The following MAP7 variants were observed in gnomAD, a reference collection of about 807,000 sequenced individuals.
The protein encoded by MAP7 is microtubule associated protein 7, also known as ensconsin.
In MAP7, 52 loss-of-function variants were observed where a neutral mutation model predicts 94.8. That is an observed-to-expected ratio of 0.55 (90% CI 0.44 to 0.69). The LOEUF (loss-of-function observed/expected upper bound fraction) is 0.69. Among genes scored for constraint, MAP7 ranks in the 30% least tolerant of loss-of-function variants. MAP7 has a pLI of 0.00. For synonymous variants in MAP7, 350 were observed against 357.0 expected, an observed-to-expected ratio of 0.98 and a Z score of 0.22; for missense variants, 940 against 964.6, an observed-to-expected ratio of 0.97 and a Z score of 0.34.
At chr6:136,385,523 G>C (rs1778969562) in intron 5 of MAP7, among the ~76,000 whole-genome samples, 1 of 152,142 alleles carries the variant, frequency 6.6e-6, no homozygotes, top group Non-Finnish European at 1.5e-5. Flanking sequence ...CCTATCCTCA[G>C]GCAGATTCTC....
In MAP7 at chr6:136,372,519, C is replaced by A. The variant is rs774600582; in HGVS notation, c.858G>T (p.Arg286Ser). 6.2e-7 allele frequency: 1 copy of A among 1,614,154 alleles called. No homozygotes were observed. The highest frequency in any genetic ancestry group is 8.5e-7 in the Non-Finnish European group (1 of 1,180,038). Residue 286 changes from arginine (R) to serine (S), a missense_variant, in exon 8 of 18, where the codon AGG becomes AGT. Arg to Ser is a moderately radical substitution (Grantham distance 110). Transcript: ENST00000354570. ...TACTCACCGCTGTGCCATGAATGAT[C>A]CTCCTGCGAGAAGAGCCCTCAGGTG... ...VTPPEGSSRR[R>S]IIHGTASYKK...
intron 1 of MAP7, among the ~76,000 whole-genome samples, chr6:136,442,017 A>G (rs1019962325): frequency 1.3e-5 from 2 of 152,020 alleles, no homozygotes; most frequent in East Asian, 3.9e-4. Context: ...TGTCTCAACA[A>G]CAACAACAGT....
chr6:136,349,919 GT>G (rs1788687932), intron 16 of MAP7, among the ~76,000 whole-genome samples: 1 of 152,096 alleles, frequency 6.6e-6, no homozygotes, highest in South Asian at 2.1e-4. Flanking sequence ...GAAAAGTAAT[GT>G]TAGGGGGTCG....
intron 1 of MAP7, among the ~76,000 whole-genome samples, chr6:136,505,879 C>A (rs1373783730): frequency 2.6e-5 from 4 of 152,124 alleles, no homozygotes; most frequent in Non-Finnish European, 5.9e-5. Flanking sequence ...AGTATCTTTT[C>A]CACTGTGGGA....
intron 1 of MAP7, among the ~76,000 whole-genome samples, chr6:136,517,983 T>C (rs1231416448): frequency 1.3e-5 from 2 of 152,192 alleles, no homozygotes; most frequent in Non-Finnish European, 2.9e-5. Flanking sequence ...AAGGGGCTAA[T>C]AGAGATTCCA....
rs766999236 is a variant in MAP7, at chr6:136,345,961, T to C, written c.2134A>G (p.Ser712Gly). ...TTCAAAGGAATTTCTGGGCTCTCACTGTTGGTGACATCTAATCTGGATGGT... is the reference window on the plus strand; with the variant it reads ...TTCAAAGGAATTTCTGGGCTCTCACCGTTGGTGACATCTAATCTGGATGGT... ...SKPSRLDVTN[S>G]ESPEIPLNPI... is the part of the protein sequence containing the mutation. Residue 712 changes from serine to glycine, a missense_variant, in exon 17 of 18, where the codon AGT (serine) becomes GGT (glycine). Transcript: ENST00000354570. 2 of 1,614,002 alleles carry C rather than the reference T, an allele frequency of 1.2e-6. No homozygotes were observed.
chr6:136,481,103 CA>C (rs1812714475), intron 1 of MAP7, among the ~76,000 whole-genome samples: 1 of 151,978 alleles, frequency 6.6e-6, no homozygotes, highest in Admixed American at 6.6e-5. Context: ...GGCTTTTATC[CA>C]AAAGTCAGGC....
At chr6:136,401,287 G>A (rs1035941161) in intron 3 of MAP7, among the ~76,000 whole-genome samples, 2 of 152,218 alleles carry the variant, frequency 1.3e-5, no homozygotes, top group Non-Finnish European at 2.9e-5. Flanking sequence ...AAGAGTTTGA[G>A]GATGCAGTGA....
chr6:136,468,735 A>G (rs995111872), intron 1 of MAP7, among the ~76,000 whole-genome samples: 1 of 152,336 alleles, frequency 6.6e-6, no homozygotes, highest in Non-Finnish European at 1.5e-5. Flanking sequence ...TACTGAATGC[A>G]TATGGCTTTC....
At chr6:136,401,310 C>G (rs543174664) in intron 3 of MAP7, among the ~76,000 whole-genome samples, 1 of 152,204 alleles carries the variant, frequency 6.6e-6, no homozygotes, top group Non-Finnish European at 1.5e-5. Flanking sequence ...TATGATTGCA[C>G]CACTGCACTC....
intron 1 of MAP7, among the ~76,000 whole-genome samples, chr6:136,441,822 CT>C (rs754461211): frequency 2.6e-5 from 4 of 152,096 alleles, no homozygotes. Flanking sequence ...GTAGATCAGC[CT>C]GGATAACACA....
chr6:136,428,267 G>C (rs1419132391), intron 1 of MAP7, among the ~76,000 whole-genome samples: 1 of 152,168 alleles, frequency 6.6e-6, no homozygotes, highest in Non-Finnish European at 1.5e-5. Flanking sequence ...TGCAATCCCA[G>C]CACTTTGGGA....
At chr6:136,490,024 G>C (rs1816078562) in intron 1 of MAP7, among the ~76,000 whole-genome samples, 2 of 152,146 alleles carry the variant, frequency 1.3e-5, no homozygotes, top group Admixed American at 1.3e-4. Flanking sequence ...GATAGCCTGT[G>C]AGTTTGTAAA....
intron 1 of MAP7, among the ~76,000 whole-genome samples, chr6:136,433,535 T>C (rs1795536191): frequency 1.3e-5 from 2 of 152,244 alleles, no homozygotes; most frequent in African/African-American, 4.8e-5. Flanking sequence ...AAGGAGGCTT[T>C]GCTTTCCTGG....
Position 136,431,260 on chromosome 6 carries a change from T to C in MAP7, c.68-9461A>G, listed in dbSNP as rs79573977. Among the ~76,000 whole-genome samples, 671 of 152,340 alleles carry C rather than the reference T, an allele frequency of 4.4e-3. 6 individuals are homozygous for C. Among genetic ancestry groups the C allele is most frequent in the African/African-American group, 0.015 (640 of 41,590 alleles). ...CGCTATTTAGCATTTGATTTCATTCTATCTTGTATCATTTTCAGAATGTAT... is the reference window on the plus strand; with the variant it reads ...CGCTATTTAGCATTTGATTTCATTCCATCTTGTATCATTTTCAGAATGTAT... On this transcript the variant is annotated intron_variant, in intron 1 of 17. Transcript: ENST00000354570.
chr6:136,402,905 C>CAAAAAAAAAAAAAAAAAAAA (rs57114676), intron 3 of MAP7, among the ~76,000 whole-genome samples: 25 of 67,396 alleles, frequency 3.7e-4, no homozygotes, highest in East Asian at 5.6e-4. Context: ...GACTCTGTCT[C>CAAAAAAAAAAAAAAAAAAAA]AAAAAAAAAA....
rs1819099596 is a variant in MAP7, at chr6:136,499,035, G to C, written c.67+51307C>G. Among the ~76,000 whole-genome samples, 4 of 151,912 alleles carry C rather than the reference G, an allele frequency of 2.6e-5. No homozygotes were observed. The South Asian group carries it at 8.3e-4, about 32-fold the overall frequency. On this transcript the variant is annotated intron_variant, in intron 1 of 17. Coordinates refer to ENST00000354570, the MANE Select transcript of MAP7 (RefSeq NM_003980.6). ...GAGATTCTCGTGCCTCTGCCCCCCA[G>C]GTAACCCCCAGGTAGCTGGGATTAC...
chr6:136,472,486 T>C (rs1242214703), intron 1 of MAP7, among the ~76,000 whole-genome samples: 1 of 152,232 alleles, frequency 6.6e-6, no homozygotes, highest in Non-Finnish European at 1.5e-5. Context: ...TAAGAAACTC[T>C]TGTACAAAAT....
chr6:136,388,321 T>C, intron 5 of MAP7, 72 bp downstream of exon 5: 1 of 1,126,300 alleles, frequency 8.9e-7, no homozygotes, highest in Non-Finnish European at 1.3e-6. Flanking sequence ...AACATAGATT[T>C]AGAAGAAAGA....
Sources: gnomAD v4.1 joint callset for allele counts (sites outside exome capture counted in the v4.1 genomes callset) on GRCh38, gnomAD v4.1.1 for gene constraint, MANE v1.5 for transcripts, NCBI Gene and HGNC (gene_info 2026-07-23, HGNC 2026-07-21) for gene names.